Variants in GGA2 observed in about 807,000 individuals in gnomAD.
GGA2 encodes the protein ADP-ribosylation factor-binding protein GGA2.
GGA2 carries 48 observed loss-of-function variants against 79.5 expected under a neutral mutation model. The observed-to-expected ratio is 0.60, with a 90% confidence interval of 0.48 to 0.77. The LOEUF (loss-of-function observed/expected upper bound fraction) is 0.77, where lower values mean the gene tolerates loss of function less well. Ranked by LOEUF, GGA2 falls within the 30% of genes least tolerant of loss-of-function variation. The pLI is 0.00. For missense variants in GGA2, 770 were observed against 774.0 expected (o/e 0.99, Z 0.06); for synonymous variants, 317 against 302.0 (o/e 1.05, Z -0.51).
chr16:23,508,863 CAGGGG>C (rs1287211753), intron 1 of GGA2, among the ~76,000 whole-genome samples: 2 of 152,170 alleles, frequency 1.3e-5, no homozygotes, highest in Non-Finnish European at 2.9e-5. Flanking sequence ...CTCCTCCTCA[CAGGGG>C]AGGCATCTGT....
In GGA2 at chr16:23,470,044, C is replaced by T. The variant is rs367720663; in HGVS notation, c.1572G>A (p.Thr524=). 5.0e-6 allele frequency: 8 copies of T among 1,600,924 alleles called. No homozygotes were observed. The highest frequency in any genetic ancestry group is 1.1e-5 in the South Asian group (1 of 88,080). Residue 524 remains threonine, a synonymous_variant, in exon 15 of 17, where the codon ACG becomes ACA. Coordinates refer to ENST00000309859, the MANE Select transcript of GGA2 (RefSeq NM_015044.4). ...TGATATCCCAGACAGGCTGGGGAGC[C>T]GTGCTCATCATGGTCAAGAGCAGCA... ...VQVLLLTMMS[T]APQPVWDIMF... is the part of the protein sequence containing the mutation.
chr16:23,505,861 A>C (rs894501136), intron 1 of GGA2, among the ~76,000 whole-genome samples: 1 of 152,210 alleles, frequency 6.6e-6, no homozygotes, highest in Admixed American at 6.5e-5. Flanking sequence ...GAGAAAATTC[A>C]ATCAAAGAAG....
chr16:23,467,423 C>CACACACACACACACACACAT lies in GGA2; in HGVS notation c.*166_*167insATGTGTGTGTGTGTGTGTGT. 1 of 611,078 alleles carries CACACACACACACACACACAT rather than the reference C, an allele frequency of 1.6e-6. No individual in the cohort carries two copies. Among genetic ancestry groups the CACACACACACACACACACAT allele is most frequent in the African/African-American group, 1.9e-5 (1 of 53,940 alleles). The allele number at this position is 611,078 out of a possible 1,614,324, so 37.9% of individuals were successfully genotyped here. The stretch of plus-strand genomic sequence containing the variant: ...ACACACACACACACACACACACACA[C>CACACACACACACACACACAT]ACACACACACAGAGCATCTGCAGAA... On this transcript the variant is annotated 3_prime_UTR_variant, in exon 17 of 17. Coordinates refer to ENST00000309859, the MANE Select transcript of GGA2 (RefSeq NM_015044.4).
At chr16:23,492,311 CCT>C (rs1020205794) in intron 4 of GGA2, among the ~76,000 whole-genome samples, 2 of 152,176 alleles carry the variant, frequency 1.3e-5, no homozygotes, top group South Asian at 2.1e-4. Context: ...AGCCCCATCC[CCT>C]GACCGGTGCC....
intron 9 of GGA2, among the ~76,000 whole-genome samples, chr16:23,481,673 T>G (rs1964650185): frequency 6.6e-6 from 1 of 152,040 alleles, no homozygotes; most frequent in African/African-American, 2.4e-5. Context: ...CTCAGGAGGC[T>G]GAGGCATGAG....
At chr16:23,507,621 ATC>A (rs377664675) in intron 1 of GGA2, among the ~76,000 whole-genome samples, 33 of 142,698 alleles carry the variant, frequency 2.3e-4, no homozygotes, top group Non-Finnish European at 3.2e-4. Flanking sequence ...ATGAAACTCC[ATC>A]TCTCTCTCTC....
At chr16:23,517,982 G>A (rs1009122818) in intron 2 of GGA2, among the ~76,000 whole-genome samples, 8 of 151,418 alleles carry the variant, frequency 5.3e-5, no homozygotes, top group Non-Finnish European at 1.0e-4. Context: ...TTGTGATCTC[G>A]GCTCACTGCA....
intron 1 of GGA2, chr16:23,501,556 G>A (rs1023365086): frequency 3.0e-6 from 1 of 333,020 alleles, no homozygotes; most frequent in African/African-American, 2.2e-5. Flanking sequence ...CACAGAAACT[G>A]GAGGCTGTGT....
intron 10 of GGA2, 46 bp from the exon 11 acceptor site, chr16:23,479,933 C>T (rs1423351063): frequency 6.3e-7 from 1 of 1,599,414 alleles, no homozygotes. Flanking sequence ...GACATGAGAG[C>T]AAAGTCTCCA....
At position 23,493,434 on chromosome 16, in the gene GGA2, A is replaced by G. The variant is rs1418454965; in HGVS notation, c.277T>C (p.Cys93Arg). Residue 93 changes from cysteine (C) to arginine (R), a missense_variant, in exon 4 of 17, where the codon TGT (cysteine) becomes CGT (arginine). Coordinates refer to ENST00000309859, the MANE Select transcript of GGA2 (RefSeq NM_015044.4). ...ACCTCGCTGTGGAACTTCTCCCCAC[A>G]GTGGTTCATGCACATCTCCAGCACC... Reference protein sequence around the residue: ...LTVLEMCMNHCGEKFHSEVAK... With the variant: ...LTVLEMCMNHRGEKFHSEVAK... 5 of 1,612,014 alleles carry G rather than the reference A, an allele frequency of 3.1e-6. No individual in the cohort carries two copies. Among genetic ancestry groups the G allele is most frequent in the South Asian group, 2.2e-5 (2 of 91,042 alleles).
Position 23,465,468 on chromosome 16 carries a change from C to T in GGA2, c.*2122G>A. 1.4e-6 allele frequency: 1 copy of T among 701,146 alleles called. No individual in the cohort carries two copies. The highest frequency in any genetic ancestry group is 2.6e-6 in the Non-Finnish European group (1 of 383,948). The allele number at this position is 701,146 out of a possible 1,614,324, so 43.4% of individuals were successfully genotyped here. On this transcript the variant is annotated 3_prime_UTR_variant, in exon 17 of 17. Transcript: ENST00000309859. ...TAGTAGTACCACTGGGAGTCTGTCT[C>T]CTCAAAAGCAAGAATGTTCAGGTAC...
chr16:23,496,155 T>A (rs888912118), intron 1 of GGA2, among the ~76,000 whole-genome samples: 9 of 151,502 alleles, frequency 5.9e-5, no homozygotes, highest in African/African-American at 2.2e-4. Flanking sequence ...ACAAAAAAAT[T>A]AGCCAGGCAT....
chr16:23,502,282 T>C (rs929273149), intron 1 of GGA2, among the ~76,000 whole-genome samples: 4 of 152,192 alleles, frequency 2.6e-5, no homozygotes, highest in Non-Finnish European at 2.9e-5. Context: ...ATGAGGCCCC[T>C]ACGTCATGAT....
Position 23,465,962 on chromosome 16 carries a change from C to A in GGA2, c.*1628G>T, listed in dbSNP as rs62029426. Reference sequence around the variant, plus strand: ...CCTCAAAAAACAAAAAAAAGCCACACAGAATACAAGCAAGAAAGTACTTTT... The same window carrying A: ...CCTCAAAAAACAAAAAAAAGCCACAAAGAATACAAGCAAGAAAGTACTTTT... On this transcript the variant is annotated 3_prime_UTR_variant, in exon 17 of 17. Transcript: ENST00000309859. The A allele has an allele frequency of 7.7e-3, 1,169 of 152,696 alleles. 10 individuals are homozygous for A. The highest frequency in any genetic ancestry group is 0.012 in the Non-Finnish European group (832 of 68,332). The allele number at this position is 152,696 out of a possible 1,614,324, so 9.5% of individuals were successfully genotyped here. A position where few individuals can be genotyped will look rare whatever the true frequency, so the allele number is the denominator to read the frequency against.
chr16:23,516,308 G>C (rs148700394), intron 2 of GGA2, among the ~76,000 whole-genome samples: 1 of 152,006 alleles, frequency 6.6e-6, no homozygotes, highest in South Asian at 2.1e-4. Flanking sequence ...CACCACACTC[G>C]GCCTTTTCAG....
chr16:23,488,841 A>T (rs1194434400), intron 5 of GGA2, 132 bp from the exon 6 acceptor site: 28 of 611,152 alleles, frequency 4.6e-5, no homozygotes. Flanking sequence ...GCCTTCAAAG[A>T]CAACACCCAG....
intron 13 of GGA2, among the ~76,000 whole-genome samples, chr16:23,476,654 C>T (rs1353640123): frequency 6.6e-6 from 1 of 152,096 alleles, no homozygotes; most frequent in African/African-American, 2.4e-5. Context: ...AATTAAAATC[C>T]TGTTTGTGTA....
At chr16:23,488,793 C>G (rs1304536474) in intron 5 of GGA2, 84 bp from the exon 6 acceptor site, 4 of 770,678 alleles carry the variant, frequency 5.2e-6, no homozygotes, top group Non-Finnish European at 9.0e-6. Context: ...CTGGAAACCC[C>G]TGGTTCCTAA....
intron 1 of GGA2, among the ~76,000 whole-genome samples, chr16:23,499,827 C>T (rs1234109302): frequency 6.6e-6 from 1 of 152,160 alleles, no homozygotes; most frequent in Non-Finnish European, 1.5e-5. Context: ...AGTGTAGAAA[C>T]CTGAAAGCTC....
Sources: allele counts gnomAD v4.1 joint callset (sites outside exome capture counted in the v4.1 genomes callset), GRCh38; gene constraint gnomAD v4.1.1; transcripts MANE v1.5; gene names NCBI Gene and HGNC (gene_info 2026-07-23, HGNC 2026-07-21).